Variants in SUSD1 observed in about 807,000 individuals in gnomAD.
SUSD1 encodes sushi domain-containing protein 1.
SUSD1 carries 65 observed loss-of-function variants against 86.9 expected under a neutral mutation model. The ratio of observed to expected loss-of-function variants is 0.75; its 90% CI spans 0.61 to 0.92. The LOEUF (loss-of-function observed/expected upper bound fraction) is 0.92, where lower values mean the gene tolerates loss of function less well. SUSD1 is among the 40% of genes least tolerant of loss of function. The pLI is 0.00. For synonymous variants in SUSD1, 346 were observed against 350.0 expected, an observed-to-expected ratio of 0.99 and a Z score of 0.13; for missense variants, 850 against 929.7, an observed-to-expected ratio of 0.91 and a Z score of 1.11.
chr9:112,057,014 T>C (rs1315824145), intron 14 of SUSD1, among the ~76,000 whole-genome samples: 1 of 152,094 alleles, frequency 6.6e-6, no homozygotes, highest in Non-Finnish European at 1.5e-5. Context: ...AATGTGATGG[T>C]ATTTGGAGGC....
At chr9:112,049,655 C>T (rs987840307) in intron 15 of SUSD1, among the ~76,000 whole-genome samples, 1 of 152,156 alleles carries the variant, frequency 6.6e-6, no homozygotes, top group Non-Finnish European at 1.5e-5. Context: ...ATTTAGATCT[C>T]GGTTCTCTGC....
chr9:112,170,651 G>T (rs1833998611), intron 1 of SUSD1, among the ~76,000 whole-genome samples: 1 of 150,862 alleles, frequency 6.6e-6, no homozygotes, highest in African/African-American at 2.4e-5. Context: ...AGCCCATGTT[G>T]CCAGTGACAG....
intron 2 of SUSD1, among the ~76,000 whole-genome samples, chr9:112,152,493 C>G (rs1833097929): frequency 6.6e-6 from 1 of 151,124 alleles, no homozygotes; most frequent in Non-Finnish European, 1.5e-5. Context: ...CCTCAACCTC[C>G]TAAGCTCAAG....
In SUSD1 at chr9:112,136,614, G is replaced by A. The variant is rs1464839187; in HGVS notation, c.706+5706C>T. Among the ~76,000 whole-genome samples the A allele has an allele frequency of 6.6e-5, 10 of 152,244 alleles. 1 individual carries two copies. The highest frequency in any genetic ancestry group is 4.1e-4 in the South Asian group (2 of 4,828). On this transcript the variant is annotated intron_variant, in intron 5 of 16. Coordinates refer to ENST00000374270, the MANE Select transcript of SUSD1 (RefSeq NM_022486.5). ...ACACAAGGTAAATGTGCTCTCACTC[G>A]CTCCTCCCTCACCCATGGTGGCATC...
At chr9:112,065,062 T>C (rs1341750583) in intron 12 of SUSD1, among the ~76,000 whole-genome samples, 16 of 152,188 alleles carry the variant, frequency 1.1e-4, no homozygotes, top group Admixed American at 1.0e-3. Flanking sequence ...ACATGACAGA[T>C]TGTTACTTGT....
chr9:112,106,629 C>G (rs1464130344), intron 8 of SUSD1, among the ~76,000 whole-genome samples: 3 of 150,994 alleles, frequency 2.0e-5, no homozygotes, highest in African/African-American at 7.3e-5. Context: ...TTCTATAAAT[C>G]AATATAAGAG....
At position 112,165,923 on chromosome 9, in the gene SUSD1, A is replaced by AAG. The variant is rs1554777758; in HGVS notation, c.104-8311_104-8310insCT. On this transcript the variant is annotated intron_variant, in intron 1 of 16. Coordinates refer to ENST00000374270, the MANE Select transcript of SUSD1 (RefSeq NM_022486.5). ...AAAGGAAGGAAGGAAGGAAGAAAGAAAAGAAAGAAAGAAAGAAAGAAGAAA... is the reference window on the plus strand; with the variant it reads ...AAAGGAAGGAAGGAAGGAAGAAAGAAAGAAGAAAGAAAGAAAGAAAGAAGAAA... Among the ~76,000 whole-genome samples the AAG allele has an allele frequency of 2.7e-3, 269 of 98,960 alleles. 1 individual carries two copies. The highest frequency in any genetic ancestry group is 4.5e-3 in the Middle Eastern group (1 of 220). The allele number at this position is 98,960 out of a possible 152,430, so 64.9% of individuals were successfully genotyped here.
At chr9:112,151,838 G>T (rs1004480777) in intron 2 of SUSD1, among the ~76,000 whole-genome samples, 1 of 151,708 alleles carries the variant, frequency 6.6e-6, no homozygotes, top group Non-Finnish European at 1.5e-5. Context: ...AGGAGTTCAA[G>T]ACCAGCCTCA....
Position 112,170,706 on chromosome 9 carries a change from T to TAGAGAGAGAGAG in SUSD1, c.103+4426_103+4427insCTCTCTCTCTCT, listed in dbSNP as rs765076866. ...AATGGCCAGATCATATATATATATA[T>TAGAGAGAGAGAG]ATATAGAGAGAGAGAGAGAGAGAGA... On this transcript the variant is annotated intron_variant, in intron 1 of 16. Transcript: ENST00000374270. Among the ~76,000 whole-genome samples, 20 of 88,364 alleles carry TAGAGAGAGAGAG rather than the reference T, an allele frequency of 2.3e-4. No individual in the cohort carries two copies. The South Asian group carries it at 3.5e-3, about 15-fold the overall frequency. 58.0% of individuals were successfully genotyped at this position (88,364 alleles called of 152,430 possible).
At chr9:112,172,006 G>A (rs952739935) in intron 1 of SUSD1, among the ~76,000 whole-genome samples, 3 of 152,046 alleles carry the variant, frequency 2.0e-5, no homozygotes, top group African/African-American at 7.2e-5. Context: ...GACCAGCCTG[G>A]CCAACATGGT....
intron 2 of SUSD1, among the ~76,000 whole-genome samples, chr9:112,153,612 CT>C (rs373913503): frequency 0.22 from 28,759 of 130,318 alleles, 2,283 homozygotes; most frequent in African/African-American, 0.29. Context: ...ACATACTATA[CT>C]TTTTTTTTTT....
rs1234305200 is a variant in SUSD1 at position 112,143,744 on chromosome 9, T to G, written c.374-121A>C. 4.2e-6 allele frequency: 4 copies of G among 942,326 alleles called. No individual in the cohort carries two copies. In the African/African-American group the frequency reaches 6.7e-5, roughly 16 times the overall value. The allele number at this position is 942,326 out of a possible 1,614,324, so 58.4% of individuals were successfully genotyped here. On this transcript the variant is annotated intron_variant, in intron 3 of 16. Transcript: ENST00000374270. ...AAGCTACTCTTGTAAAAAGATGCATTTGTTTGCAATTGTATCATACATTTT... is the reference window on the plus strand; with the variant it reads ...AAGCTACTCTTGTAAAAAGATGCATGTGTTTGCAATTGTATCATACATTTT...
chr9:112,173,884 C>T (rs1039551384), intron 1 of SUSD1: 4 of 284,808 alleles, frequency 1.4e-5, no homozygotes, highest in South Asian at 3.7e-5. Flanking sequence ...TTAAAAGATT[C>T]GTATCTTTGT....
Position 112,143,466 on chromosome 9 carries a change from C to A in SUSD1, c.526+5G>T. ...GAGATGCCGCAATTTTTGGCAGAAA[C>A]CCACCTGTGCATGATGTGGCATCGG... On this transcript the variant is annotated splice_donor_5th_base_variant and intron_variant, in intron 4 of 16. Transcript: ENST00000374270. 6.2e-7 allele frequency: 1 copy of A among 1,609,192 alleles called. No homozygotes were observed. The highest frequency in any genetic ancestry group is 8.5e-7 in the Non-Finnish European group (1 of 1,178,576).
intron 5 of SUSD1, among the ~76,000 whole-genome samples, chr9:112,135,856 C>T (rs1010811381): frequency 6.6e-6 from 1 of 152,328 alleles, no homozygotes; most frequent in Non-Finnish European, 1.5e-5. Flanking sequence ...TTCACAATAG[C>T]TCTAAGGGAT....
At chr9:112,096,916 A>G (rs1022953272) in intron 10 of SUSD1, among the ~76,000 whole-genome samples, 1 of 152,218 alleles carries the variant, frequency 6.6e-6, no homozygotes, top group East Asian at 1.9e-4. Flanking sequence ...GAGCATTACT[A>G]TGCAGCTGAA....
chr9:112,086,155 A>T (rs1829965948), intron 10 of SUSD1, among the ~76,000 whole-genome samples: 1 of 151,396 alleles, frequency 6.6e-6, no homozygotes, highest in African/African-American at 2.4e-5. Context: ...CCATCTCTAC[A>T]AAAAATAAAA....
chr9:112,158,134 C>T (rs1245358435), intron 1 of SUSD1, among the ~76,000 whole-genome samples: 1 of 151,882 alleles, frequency 6.6e-6, no homozygotes, highest in Non-Finnish European at 1.5e-5. Context: ...ACAGTCAATG[C>T]TCTTAGTGAT....
chr9:112,108,788 A>AG (rs1830957695), intron 8 of SUSD1, among the ~76,000 whole-genome samples: 1 of 147,472 alleles, frequency 6.8e-6, no homozygotes, highest in African/African-American at 2.5e-5. Flanking sequence ...AAAAAAAAAA[A>AG]AAAGAAAAAA....
Sources: gnomAD v4.1 joint callset for allele counts (sites outside exome capture counted in the v4.1 genomes callset) on GRCh38, gnomAD v4.1.1 for gene constraint, MANE v1.5 for transcripts, NCBI Gene and HGNC (gene_info 2026-07-23, HGNC 2026-07-21) for gene names.